SEC14L2: variants seen among roughly 807,000 people sequenced by gnomAD.
SEC14L2 encodes SEC14 like lipid binding 2.
In SEC14L2, 50 loss-of-function variants were observed where a neutral mutation model predicts 56.9. The ratio of observed to expected loss-of-function variants is 0.88; its 90% CI spans 0.70 to 1.11. The LOEUF is 1.11. Ranked by LOEUF, SEC14L2 falls within the 50% of genes most tolerant of loss-of-function variation. SEC14L2 has a pLI of 0.00. For missense variants in SEC14L2, 414 were observed against 500.7 expected, an observed-to-expected ratio of 0.83 and a Z score of 1.65; for synonymous variants, 179 against 188.5, an observed-to-expected ratio of 0.95 and a Z score of 0.41.
intron 11 of SEC14L2, 86 bp downstream of exon 11, chr22:30,416,489 C>G (rs1433165603): frequency 1.2e-6 from 2 of 1,606,626 alleles, no homozygotes; most frequent in Admixed American, 3.4e-5. Context: ...GGATTTTTGG[C>G]TCTGAGTGTT....
intron 5 of SEC14L2, 36 bp from the exon 6 acceptor site, chr22:30,409,151 A>G (rs1307258965): frequency 6.3e-7 from 1 of 1,580,282 alleles, no homozygotes; most frequent in East Asian, 2.2e-5. Context: ...GAAGTAGGAC[A>G]GCCTGACAAG....
chr22:30,397,145 C>T lies in SEC14L2; in HGVS notation c.29C>T (p.Pro10Leu). 1 of 1,547,654 alleles carries T rather than the reference C, an allele frequency of 6.5e-7. No homozygotes were observed. The highest frequency in any genetic ancestry group is 8.7e-7 in the Non-Finnish European group (1 of 1,145,780). The change falls in exon 1 of 12, where the codon CCC (proline) becomes CTC (leucine). Residue 10 changes from proline (P) to leucine (L), a missense_variant. By Grantham distance (98) the Pro-to-Leu change is moderately conservative. Transcript: ENST00000615189. ...AGCGGCAGAGTCGGCGATCTGAGCC[C>T]CAGGCAGAAGGAGGCATTGGCCAAG... The part of the protein sequence containing the change: MSGRVGDLS[P>L]RQKEALAKFR...
intron 11 of SEC14L2, chr22:30,420,787 T>C (rs915153901): frequency 6.6e-6 from 1 of 152,130 alleles, no homozygotes; most frequent in African/African-American, 2.4e-5. Flanking sequence ...AAGACCGGGA[T>C]AGGGATGGGG....
rs1449653580 is a variant in SEC14L2, at chr22:30,407,522, A to G, written c.342A>G (p.Ser114=). 1.2e-6 allele frequency: 2 copies of G among 1,614,110 alleles called. No individual in the cohort carries two copies. Among genetic ancestry groups the G allele is most frequent in the South Asian group, 2.2e-5 (2 of 91,084 alleles). Residue 114 remains serine (S), a synonymous_variant, in exon 5 of 12, where the codon TCA becomes TCG. Transcript: ENST00000615189. The part of the protein sequence containing the change: ...GPLDAKGLLF[S]ASKQDLLRTK... The stretch of plus-strand genomic sequence containing the variant: ...TGGATGCCAAGGGTCTGCTGTTCTC[A>G]GCCTCCAAACAGGACCTGCTGAGGA...
At chr22:30,400,633 G>A (rs754266675) in intron 2 of SEC14L2, among the ~76,000 whole-genome samples, 11 of 151,792 alleles carry the variant, frequency 7.2e-5, no homozygotes, top group African/African-American at 2.2e-4. Flanking sequence ...GGTGGCTCAC[G>A]CCTGTAATCC....
chr22:30,402,324 C>T (rs543623938), intron 2 of SEC14L2, among the ~76,000 whole-genome samples: 1 of 152,268 alleles, frequency 6.6e-6, no homozygotes, highest in African/African-American at 2.4e-5. Context: ...AGCATGGTTT[C>T]TGAGAGCCAC....
At chr22:30,399,057 A>G (rs1165088494) in intron 1 of SEC14L2, among the ~76,000 whole-genome samples, 1 of 152,160 alleles carries the variant, frequency 6.6e-6, no homozygotes, top group Non-Finnish European at 1.5e-5. Flanking sequence ...CTGGGAACAC[A>G]TCTGCCTGCC....
intron 5 of SEC14L2, among the ~76,000 whole-genome samples, chr22:30,408,766 G>C (rs1934166730): frequency 1.3e-5 from 2 of 152,250 alleles, no homozygotes; most frequent in Non-Finnish European, 2.9e-5. Context: ...TGTGCGCAGA[G>C]ACCCTGCGGA....
At chr22:30,416,428 C>T in intron 11 of SEC14L2, 25 bp downstream of exon 11, 1 of 1,614,224 alleles carries the variant, frequency 6.2e-7, no homozygotes. Flanking sequence ...CTTGGCAATG[C>T]CTTGAAGCCC....
intron 5 of SEC14L2, 87 bp from the exon 6 acceptor site, chr22:30,409,100 T>C: frequency 8.7e-7 from 1 of 1,148,144 alleles, no homozygotes; most frequent in Admixed American, 1.7e-5. Flanking sequence ...GCTCTCTGGA[T>C]GCACAGTGCA....
At chr22:30,399,513 C>CAAAAAAAAA (rs60817387) in intron 1 of SEC14L2, 130 bp from the exon 2 acceptor site, 90 of 242,748 alleles carry the variant, frequency 3.7e-4, no homozygotes, top group African/African-American at 5.8e-4. Context: ...GACTCTATCT[C>CAAAAAAAAA]AAAAAAAAAA....
intron 11 of SEC14L2, chr22:30,416,659 C>CCG: frequency 7.0e-7 from 1 of 1,430,478 alleles, no homozygotes; most frequent in Non-Finnish European, 9.1e-7. Flanking sequence ...TAGGCGATCA[C>CCG]AGGGGTTCAA....
Position 30,409,303 on chromosome 22 carries a change from G to A in SEC14L2, c.519+21G>A, listed in dbSNP as rs988872111. The A allele has an allele frequency of 6.8e-6, 11 of 1,610,230 alleles. No individual in the cohort carries two copies. In the African/African-American group the frequency reaches 1.3e-4, roughly 20 times the overall value. ...GAGAGGTGAGGGGCAGGGGTGGGGA[G>A]GAAGGGGACAGAGGGAAGGGGAGGA... On this transcript the variant is annotated intron_variant, in intron 6 of 11. Transcript: ENST00000615189.
chr22:30,405,223 C>T (rs1934061261), intron 2 of SEC14L2, among the ~76,000 whole-genome samples: 1 of 152,066 alleles, frequency 6.6e-6, no homozygotes, highest in African/African-American at 2.4e-5. Flanking sequence ...TGTGGGGCTT[C>T]GTAAAGTCTC....
In SEC14L2 at chr22:30,403,085, TAAAACAAAAC is replaced by T. The variant is rs761212229; in HGVS notation, c.131-3248_131-3239del. Among the ~76,000 whole-genome samples, 3 of 151,878 alleles carry T rather than the reference TAAAACAAAAC, an allele frequency of 2.0e-5. No homozygotes were observed. The South Asian group carries it at 6.2e-4, about 32-fold the overall frequency. On this transcript the variant is annotated intron_variant, in intron 2 of 11. Transcript: ENST00000615189. The stretch of plus-strand genomic sequence containing the variant: ...GAGCAAGATTCTGTCTCAAAGAAAA[TAAAACAAAAC>T]AAAACAAACAAAAAAACAGCCTTTT...
chr22:30,397,142 G>GC lies in SEC14L2; in HGVS notation c.30dup (p.Arg11GlnfsTer25). ...ATGAGCGGCAGAGTCGGCGATCTGA[G>GC]CCCCAGGCAGAAGGAGGCATTGGCC... On this transcript the variant is annotated frameshift_variant, in exon 1 of 12. Coordinates refer to ENST00000615189, the MANE Select transcript of SEC14L2 (RefSeq NM_012429.5). LOFTEE classifies it high-confidence loss of function. The GC allele has an allele frequency of 6.5e-7, 1 of 1,547,394 alleles. No homozygotes were observed. Among genetic ancestry groups the GC allele is most frequent in the Non-Finnish European group, 8.7e-7 (1 of 1,145,660 alleles).
intron 8 of SEC14L2, 56 bp downstream of exon 8, chr22:30,410,735 TC>T: frequency 6.5e-7 from 1 of 1,535,724 alleles, no homozygotes; most frequent in Non-Finnish European, 9.0e-7. Flanking sequence ...CTAAATCGGG[TC>T]CAGCTTTAGG....
chr22:30,400,386 C>CA (rs1226905107), intron 2 of SEC14L2: 1 of 152,216 alleles, frequency 6.6e-6, no homozygotes, highest in Non-Finnish European at 1.5e-5. Context: ...CAAGACGTGA[C>CA]ATGACAGAAC....
At chr22:30,404,026 A>G (rs1376010783) in intron 2 of SEC14L2, among the ~76,000 whole-genome samples, 3 of 137,256 alleles carry the variant, frequency 2.2e-5, no homozygotes, top group Non-Finnish European at 4.7e-5. Context: ...AAAAAAAAAA[A>G]AAAGAAAAAA....
Sources: gnomAD v4.1 joint callset for allele counts (sites outside exome capture counted in the v4.1 genomes callset) on GRCh38, gnomAD v4.1.1 for gene constraint, MANE v1.5 for transcripts, NCBI Gene and HGNC (gene_info 2026-07-23, HGNC 2026-07-21) for gene names.